The following MEGF11 variants were observed in gnomAD, a reference collection of about 807,000 sequenced individuals.
MEGF11 encodes the protein multiple EGF like domains 11.
Under a neutral mutation model 146.6 loss-of-function variants are expected in MEGF11, and 126 were observed. That is an observed-to-expected ratio of 0.86 (90% CI 0.74 to 1.00). The LOEUF is 1.00. Among genes scored for constraint, MEGF11 ranks in the 50% least tolerant of loss-of-function variants. The pLI is 0.00. For missense variants in MEGF11, 1,509 were observed against 1,521.2 expected (o/e 0.99, Z 0.13); for synonymous variants, 532 against 583.4 (o/e 0.91, Z 1.27).
chr15:65,966,615 C>T (rs1009071532), intron 8 of MEGF11, among the ~76,000 whole-genome samples: 4 of 152,138 alleles, frequency 2.6e-5, no homozygotes, highest in Non-Finnish European at 5.9e-5. Flanking sequence ...TTTTCCCTTC[C>T]TTGGAAGAAG....
At chr15:66,150,905 G>A (rs1304038785) in intron 1 of MEGF11, among the ~76,000 whole-genome samples, 1 of 151,446 alleles carries the variant, frequency 6.6e-6, no homozygotes, top group Non-Finnish European at 1.5e-5. Flanking sequence ...CCTTGTCAGT[G>A]ACTAAGGGTG....
intron 5 of MEGF11, among the ~76,000 whole-genome samples, chr15:66,072,272 AAC>A (rs1178182608): frequency 6.6e-6 from 1 of 152,196 alleles, no homozygotes; most frequent in Non-Finnish European, 1.5e-5. Context: ...AGGGCTGACG[AAC>A]ACAAAGCTCC....
At chr15:66,053,990 T>A (rs756639906) in intron 5 of MEGF11, among the ~76,000 whole-genome samples, 1 of 152,050 alleles carries the variant, frequency 6.6e-6, no homozygotes, top group Non-Finnish European at 1.5e-5. Context: ...CCCAAAGTGC[T>A]GGGATTATAG....
intron 9 of MEGF11, among the ~76,000 whole-genome samples, chr15:65,963,274 G>A (rs968377857): frequency 1.3e-5 from 2 of 152,132 alleles, no homozygotes; most frequent in South Asian, 2.1e-4. Flanking sequence ...TGTAATTAGC[G>A]CCTTGGAGCT....
At chr15:66,089,770 C>A (rs1250968911) in intron 5 of MEGF11, among the ~76,000 whole-genome samples, 1 of 152,188 alleles carries the variant, frequency 6.6e-6, no homozygotes, top group African/African-American at 2.4e-5. Context: ...CTATCTCAAT[C>A]ATTGTCAGTG....
intron 4 of MEGF11, among the ~76,000 whole-genome samples, chr15:66,106,541 T>G (rs4776279): frequency 0.99 from 150,094 of 152,278 alleles, 74,016 homozygotes; most frequent in Middle Eastern, 1. Context: ...AGGTACTATT[T>G]CTACCCTTGT....
At chr15:65,961,966 T>A (rs1266087324) in intron 9 of MEGF11, among the ~76,000 whole-genome samples, 1 of 152,108 alleles carries the variant, frequency 6.6e-6, no homozygotes, top group Non-Finnish European at 1.5e-5. Flanking sequence ...GATGGACAGA[T>A]TGGGAAACGT....
At chr15:66,050,312 C>T (rs1257448191) in intron 5 of MEGF11, among the ~76,000 whole-genome samples, 3 of 152,036 alleles carry the variant, frequency 2.0e-5, no homozygotes, top group Non-Finnish European at 4.4e-5. Context: ...TGTGGGAGAG[C>T]AATATGTAGG....
intron 10 of MEGF11, among the ~76,000 whole-genome samples, chr15:65,950,005 G>A (rs996153448): frequency 2.0e-5 from 3 of 152,132 alleles, no homozygotes; most frequent in African/African-American, 7.2e-5. Flanking sequence ...CCAGCCAAGG[G>A]AAAGATTCAA....
intron 19 of MEGF11, 142 bp from the exon 20 acceptor site, chr15:65,914,115 AC>A: frequency 1.6e-6 from 1 of 644,122 alleles, no homozygotes; most frequent in Non-Finnish European, 2.7e-6. Context: ...TCCCTATGTG[AC>A]TACCCCCAGC....
intron 1 of MEGF11, among the ~76,000 whole-genome samples, chr15:66,131,769 T>C (rs1264447741): frequency 6.6e-6 from 1 of 152,234 alleles, no homozygotes; most frequent in African/African-American, 2.4e-5. Context: ...CATTTTAGCA[T>C]AGCTTAGACT....
chr15:66,009,464 C>T (rs528996075), intron 5 of MEGF11, among the ~76,000 whole-genome samples: 5 of 152,092 alleles, frequency 3.3e-5, no homozygotes, highest in East Asian at 1.9e-4. Flanking sequence ...CTTTATTTTC[C>T]CCAAGACCCA....
At chr15:65,937,420 G>T (rs758748674) in intron 10 of MEGF11, among the ~76,000 whole-genome samples, 1 of 152,240 alleles carries the variant, frequency 6.6e-6, no homozygotes, top group Non-Finnish European at 1.5e-5. Flanking sequence ...CGGAATTCCT[G>T]CTAGAAGTAG....
chr15:66,232,363 C>T (rs1567292961), intron 1 of MEGF11, among the ~76,000 whole-genome samples: 1 of 152,214 alleles, frequency 6.6e-6, no homozygotes, highest in South Asian at 2.1e-4. Flanking sequence ...ACAGCTGGAC[C>T]GGCCCCAGTC....
At chr15:66,178,352 C>T (rs975291587) in intron 1 of MEGF11, among the ~76,000 whole-genome samples, 3 of 152,120 alleles carry the variant, frequency 2.0e-5, no homozygotes, top group Non-Finnish European at 4.4e-5. Context: ...GAGAAGGGAG[C>T]GCTGGGCAGT....
intron 9 of MEGF11, among the ~76,000 whole-genome samples, chr15:65,960,388 C>A (rs2080816648): frequency 1.3e-5 from 2 of 152,258 alleles, no homozygotes. Flanking sequence ...AAAAATTCCT[C>A]TCTGAGCCCC....
intron 1 of MEGF11, among the ~76,000 whole-genome samples, chr15:66,238,148 G>A (rs1463338909): frequency 4.6e-5 from 7 of 152,208 alleles, no homozygotes. Flanking sequence ...ACCCAGCCAG[G>A]AGGGTGTGAA....
At chr15:66,052,292 G>A (rs1442891540) in intron 5 of MEGF11, among the ~76,000 whole-genome samples, 1 of 152,178 alleles carries the variant, frequency 6.6e-6, no homozygotes, top group African/African-American at 2.4e-5. Context: ...AGGATGGATG[G>A]TAAATGATGA....
chr15:65,920,715 C>T (rs2079147210), intron 15 of MEGF11, among the ~76,000 whole-genome samples: 1 of 152,256 alleles, frequency 6.6e-6, no homozygotes, highest in Non-Finnish European at 1.5e-5. Context: ...TCTGCGTAAG[C>T]AGTGTCTGTA....
Sources: gnomAD v4.1 joint callset for allele counts (sites outside exome capture counted in the v4.1 genomes callset) on GRCh38, gnomAD v4.1.1 for gene constraint, MANE v1.5 for transcripts, NCBI Gene and HGNC (gene_info 2026-07-23, HGNC 2026-07-21) for gene names.